SEMA3A: variants seen among roughly 807,000 people sequenced by gnomAD.
The protein encoded by SEMA3A is semaphorin-3A.
A neutral mutation model predicts 97.9 loss-of-function variants in SEMA3A; 29 were observed. The ratio of observed to expected loss-of-function variants is 0.30; its 90% CI spans 0.22 to 0.40. The LOEUF is 0.40. Among genes scored for constraint, SEMA3A ranks in the 10% least tolerant of loss-of-function variants. SEMA3A has a pLI of 1.00. For synonymous variants in SEMA3A, 321 were observed against 323.7 expected (o/e 0.99, Z 0.09); for missense variants, 763 against 951.3 (o/e 0.80, Z 2.60).
intron 1 of SEMA3A, among the ~76,000 whole-genome samples, chr7:84,491,189 T>G (rs564218724): frequency 6.6e-6 from 1 of 152,112 alleles, no homozygotes; most frequent in East Asian, 1.9e-4. Context: ...CTATAATAGT[T>G]AGAAAATAAA....
At chr7:84,196,738 C>A (rs1362579015), upstream of SEMA3A, among the ~76,000 whole-genome samples, 1 of 152,124 alleles carries the variant, frequency 6.6e-6, no homozygotes, top group Non-Finnish European at 1.5e-5. Flanking sequence ...CAGAGGAATT[C>A]ATGTCGCTTT....
intron 1 of SEMA3A, among the ~76,000 whole-genome samples, chr7:84,423,704 T>C (rs996712382): frequency 9.2e-5 from 14 of 152,004 alleles, no homozygotes; most frequent in Non-Finnish European, 1.9e-4. Context: ...ACCTGTTTTG[T>C]TCCCTAGTTA....
chr7:84,360,927 A>G (rs2116063473), intron 2 of SEMA3A, among the ~76,000 whole-genome samples: 1 of 152,164 alleles, frequency 6.6e-6, no homozygotes. Context: ...ACAACACTCT[A>G]CAAATCTACT....
intron 2 of SEMA3A, among the ~76,000 whole-genome samples, chr7:84,311,499 T>C (rs959918110): frequency 6.6e-6 from 1 of 151,814 alleles, no homozygotes; most frequent in African/African-American, 2.4e-5. Context: ...GAAGTAATAA[T>C]CTAAACCAGA....
chr7:84,340,679 C>T (rs1457646428), intron 2 of SEMA3A, among the ~76,000 whole-genome samples: 4 of 150,670 alleles, frequency 2.7e-5, no homozygotes, highest in African/African-American at 9.8e-5. Flanking sequence ...ACTCAGGAGG[C>T]TGGGGCAGGA....
intron 1 of SEMA3A, among the ~76,000 whole-genome samples, chr7:84,388,733 A>G (rs1803464882): frequency 6.6e-6 from 1 of 152,044 alleles, no homozygotes; most frequent in South Asian, 2.1e-4. Flanking sequence ...AGTAATTTGT[A>G]GGTTATTAGA....
chr7:84,348,907 CCGGG>C lies in SEMA3A; in HGVS notation c.-169+22913_-169+22916del, dbSNP rs1287215117. Among the ~76,000 whole-genome samples the C allele has an allele frequency of 4.2e-5, 6 of 143,810 alleles. No individual in the cohort carries two copies. In the South Asian group the frequency reaches 9.0e-4, roughly 22 times the overall value. The allele number at this position is 143,810 out of a possible 152,430, so 94.3% of individuals were successfully genotyped here. ...ACTGAGGCAGGAGAATCGCTTGAAA[CCGGG>C]TGGCGGAGGTTGAAGTAAGCCAACA... On this transcript the variant is annotated intron_variant, in intron 2 of 3. Coordinates refer to the SEMA3A transcript ENST00000424555.
chr7:84,151,089 T>C (rs1796647194), intron 1 of SEMA3A, among the ~76,000 whole-genome samples: 1 of 149,472 alleles, frequency 6.7e-6, no homozygotes, highest in Non-Finnish European at 1.5e-5. Context: ...AACCCATCTG[T>C]ACATCACCAT....
chr7:84,468,462 A>C (rs1806061959), intron 1 of SEMA3A, among the ~76,000 whole-genome samples: 1 of 152,188 alleles, frequency 6.6e-6, no homozygotes, highest in Admixed American at 6.5e-5. Context: ...TGAGGTTTTT[A>C]GATGCCATAA....
At chr7:83,971,428 AT>A (rs1788907379) in intron 15 of SEMA3A, among the ~76,000 whole-genome samples, 1 of 109,188 alleles carries the variant, frequency 9.2e-6, no homozygotes, top group Non-Finnish European at 1.9e-5. Flanking sequence ...GCGAAACTCC[AT>A]CAAAAAAAAA....
intron 2 of SEMA3A, among the ~76,000 whole-genome samples, chr7:84,327,850 G>A (rs1178078703): frequency 6.6e-6 from 1 of 151,940 alleles, no homozygotes; most frequent in East Asian, 1.9e-4. Context: ...TTGATAAATG[G>A]ATAATCATAA....
At chr7:84,358,341 A>C (rs1336276780) in intron 2 of SEMA3A, among the ~76,000 whole-genome samples, 1 of 152,172 alleles carries the variant, frequency 6.6e-6, no homozygotes, top group African/African-American at 2.4e-5. Context: ...ATCCAGTGTC[A>C]GCTTTCTACA....
chr7:84,179,898 GT>G (rs1399884600), intron 1 of SEMA3A, among the ~76,000 whole-genome samples: 1 of 143,828 alleles, frequency 7.0e-6, no homozygotes, highest in African/African-American at 2.6e-5. Flanking sequence ...ACATATTTGA[GT>G]TTTCTCTCTT....
At chr7:84,263,463 C>A (rs1161949885) in intron 3 of SEMA3A, among the ~76,000 whole-genome samples, 1 of 152,086 alleles carries the variant, frequency 6.6e-6, no homozygotes, top group Non-Finnish European at 1.5e-5. Flanking sequence ...TTTAGTTTCC[C>A]CATTGAGATA....
chr7:83,985,571 G>A, intron 12 of SEMA3A, 94 bp from the exon 13 acceptor site: 1 of 987,856 alleles, frequency 1.0e-6, no homozygotes, highest in Middle Eastern at 2.1e-4. Flanking sequence ...AGTTTTCAGA[G>A]AGAAACTTCA....
chr7:83,981,375 G>A lies in SEMA3A; in HGVS notation c.1598C>T (p.Pro533Leu). ...TGCAGAACCATCCCAAGCACAGTAA[G>A]GGTCTCGGGCGAGGCAACACTCAGC... ...ACAECCLARD[P>L]YCAWDGSACS... The change falls in exon 14 of 17, where the codon CCT (proline) becomes CTT (leucine). Residue 533 changes from proline to leucine, a missense_variant. Around this residue, in one of 2 missense-constraint regions of SEMA3A, gnomAD observed 678 missense variants for 881.3 expected, o/e 0.77. Transcript: ENST00000265362. The A allele has an allele frequency of 6.2e-7, 1 of 1,614,018 alleles. No individual in the cohort carries two copies. The highest frequency in any genetic ancestry group is 8.5e-7 in the Non-Finnish European group (1 of 1,179,958).
intron 3 of SEMA3A, among the ~76,000 whole-genome samples, chr7:84,126,908 CT>C (rs1244599598): frequency 1.3e-5 from 2 of 152,120 alleles, no homozygotes; most frequent in Non-Finnish European, 2.9e-5. Context: ...GCACAAAATT[CT>C]CAACCTCTCT....
intron 2 of SEMA3A, among the ~76,000 whole-genome samples, chr7:84,332,609 T>C (rs1428698921): frequency 6.6e-6 from 1 of 152,040 alleles, no homozygotes; most frequent in Non-Finnish European, 1.5e-5. Flanking sequence ...TAAAAGAACA[T>C]AGCTTTAACA....
At chr7:84,464,606 T>C (rs1805944219) in intron 1 of SEMA3A, among the ~76,000 whole-genome samples, 1 of 152,212 alleles carries the variant, frequency 6.6e-6, no homozygotes, top group South Asian at 2.1e-4. Flanking sequence ...ATGGTACAAA[T>C]TTACATTTTC....
Sources: gnomAD v4.1 joint callset for allele counts (sites outside exome capture counted in the v4.1 genomes callset) on GRCh38, gnomAD v4.1.1 for gene constraint, gnomAD v4.1.1 regional missense constraint, MANE v1.5 for transcripts, NCBI Gene and HGNC (gene_info 2026-07-23, HGNC 2026-07-21) for gene names.